STIP1: variants seen among roughly 807,000 people sequenced by gnomAD.
STIP1 encodes stress induced phosphoprotein 1, also known as stress-induced-phosphoprotein 1.
A neutral mutation model predicts 77.4 loss-of-function variants in STIP1; 16 were observed. The ratio of observed to expected loss-of-function variants is 0.21; its 90% CI spans 0.14 to 0.31. STIP1 has a LOEUF of 0.31. Among genes scored for constraint, STIP1 ranks in the 10% least tolerant of loss-of-function variants. The pLI is 1.00. For missense variants in STIP1, 524 were observed against 684.8 expected, an observed-to-expected ratio of 0.77 and a Z score of 2.62; for synonymous variants, 258 against 246.6, an observed-to-expected ratio of 1.05 and a Z score of -0.44.
At chr11:64,195,327 G>C (rs1340860388) in intron 4 of STIP1, among the ~76,000 whole-genome samples, 1 of 152,124 alleles carries the variant, frequency 6.6e-6, no homozygotes, top group African/African-American at 2.4e-5. Context: ...TGTTGGCTAG[G>C]CTGGTCTCAA....
At position 64,203,558 on chromosome 11, in the gene STIP1, A is replaced by G. The variant is rs1946245511; in HGVS notation, c.1495A>G (p.Met499Val). 1.2e-6 allele frequency: 2 copies of G among 1,614,098 alleles called. No homozygotes were observed. Among genetic ancestry groups the G allele is most frequent in the Admixed American group, 3.3e-5 (2 of 59,996 alleles). The change falls in exon 13 of 14, where the codon ATG (methionine) becomes GTG (valine). Residue 499 changes from methionine to valine, a missense_variant. Physicochemically the swap from Met to Val is conservative, Grantham distance 21. Transcript: ENST00000305218. ...GGCCGACCCTGAGGTGCAGCAGATC[A>G]TGAGTGACCCAGCCATGCGCCTTAT... ...AMADPEVQQI[M>V]SDPAMRLILE...
chr11:64,195,766 ACCAAGCCAGAG>A lies in STIP1; in HGVS notation c.630_640del (p.Lys210AsnfsTer9). ...ACCACCACCCCCTCCCAAAAAGGAG[ACCAAGCCAGAG>A]CCAATGGAAGAAGATCTTCCAGAGA... On this transcript the variant is annotated frameshift_variant, in exon 5 of 14. Transcript: ENST00000305218. LOFTEE classifies it high-confidence loss of function. The A allele has an allele frequency of 6.2e-7, 1 of 1,614,132 alleles. No homozygotes were observed. Among genetic ancestry groups the A allele is most frequent in the Non-Finnish European group, 8.5e-7 (1 of 1,180,022 alleles).
At chr11:64,197,651 C>CT in intron 7 of STIP1, 56 bp downstream of exon 7, 2 of 1,603,188 alleles carry the variant, frequency 1.2e-6, no homozygotes, top group South Asian at 1.1e-5. Flanking sequence ...CTGTCCAAGA[C>CT]TTAAGTTTCT....
chr11:64,194,422 A>G, intron 3 of STIP1, 57 bp from the exon 4 acceptor site: 1 of 1,612,396 alleles, frequency 6.2e-7, no homozygotes, highest in Non-Finnish European at 8.5e-7. Flanking sequence ...AGGGTATGGG[A>G]CACAGTAATT....
Position 64,197,478 on chromosome 11 carries a change from C to T in STIP1, c.800-15C>T. 6.2e-7 allele frequency: 1 copy of T among 1,614,118 alleles called. No homozygotes were observed. The highest frequency in any genetic ancestry group is 1.1e-5 in the South Asian group (1 of 91,064). On this transcript the variant is annotated splice_polypyrimidine_tract_variant and intron_variant, in intron 6 of 13. Coordinates refer to ENST00000305218, the MANE Select transcript of STIP1 (RefSeq NM_006819.3). The stretch of plus-strand genomic sequence containing the variant: ...CAAAGACTGACTGTTCCTTCTTAAC[C>T]ATCCTGCCTGGCAGCGGTATACTTT...
intron 1 of STIP1, among the ~76,000 whole-genome samples, chr11:64,191,043 C>G (rs1013969998): frequency 6.6e-6 from 1 of 151,890 alleles, no homozygotes; most frequent in Non-Finnish European, 1.5e-5. Context: ...CAAAATTAGA[C>G]GGATGTGGTA....
intron 8 of STIP1, among the ~76,000 whole-genome samples, chr11:64,199,330 C>T (rs534972989): frequency 6.6e-6 from 1 of 151,356 alleles, no homozygotes; most frequent in South Asian, 2.1e-4. Context: ...CGGTGAAACT[C>T]TGTCTCTACT....
At chr11:64,192,946 G>A (rs1006085364) in intron 1 of STIP1, 132 bp from the exon 2 acceptor site, 14 of 856,456 alleles carry the variant, frequency 1.6e-5, no homozygotes, top group African/African-American at 6.8e-5. Context: ...TAAATGAACC[G>A]GTTTTCTCTC....
chr11:64,192,732 G>GA (rs1462262534), intron 1 of STIP1, among the ~76,000 whole-genome samples: 1 of 152,200 alleles, frequency 6.6e-6, no homozygotes, highest in Admixed American at 6.5e-5. Flanking sequence ...GGATGCTTTG[G>GA]AAATCTGTGG....
chr11:64,200,369 A>G, intron 10 of STIP1, 76 bp downstream of exon 10: 2 of 1,531,446 alleles, frequency 1.3e-6, no homozygotes, highest in Non-Finnish European at 8.8e-7. Context: ...TCTCCTCATC[A>G]ACATTGAGTT....
rs1252045537 is a variant in STIP1, at chr11:64,203,235, C to T, written c.1386+7C>T. 5 of 1,613,400 alleles carry T rather than the reference C, an allele frequency of 3.1e-6. No individual in the cohort carries two copies. The highest frequency in any genetic ancestry group is 1.7e-5 in the Admixed American group (1 of 60,010). ...CCTGGACTCCAGCTGTAAGGTGGGG[C>T]TGCTTCTGGCCTCCAGGGGCCCCCC... is the stretch of plus-strand genomic sequence containing the variant. On this transcript the variant is annotated splice_region_variant and intron_variant, in intron 12 of 13. Transcript: ENST00000305218.
chr11:64,188,864 C>T (rs964671072), intron 1 of STIP1, among the ~76,000 whole-genome samples: 3 of 152,152 alleles, frequency 2.0e-5, no homozygotes, highest in Non-Finnish European at 2.9e-5. Flanking sequence ...AAAACAAACA[C>T]GATTTCTCTA....
chr11:64,188,037 C>CAA lies in STIP1; in HGVS notation c.9+1786_9+1787dup, dbSNP rs34070761. Among the ~76,000 whole-genome samples the CAA allele has an allele frequency of 1.8e-3, 129 of 72,130 alleles. 1 individual carries two copies. The highest frequency in any genetic ancestry group is 5.8e-3 in the African/African-American group (102 of 17,674). 47.3% of individuals were successfully genotyped at this position (72,130 alleles called of 152,430 possible). A position where few individuals can be genotyped will look rare whatever the true frequency, so the allele number is the denominator to read the frequency against. On this transcript the variant is annotated intron_variant, in intron 1 of 13. Transcript: ENST00000305218. Reference sequence around the variant, plus strand: ...TGGGCCACAGAGCGAGACTCCGTCTCAAAAAAAAAAAAAAAAAAAAGGATC... The same window carrying CAA: ...TGGGCCACAGAGCGAGACTCCGTCTCAAAAAAAAAAAAAAAAAAAAAAGGATC...
Position 64,194,534 on chromosome 11 carries a change from T to C in STIP1, c.417T>C (p.Ser139=). 2 of 1,614,074 alleles carry C rather than the reference T, an allele frequency of 1.2e-6. No homozygotes were observed. The highest frequency in any genetic ancestry group is 2.7e-5 in the African/African-American group (2 of 74,976). ...CTAATCTGTATCAGAAGTTGGAGAG[T>C]GATCCCAGGACAAGGACACTACTCA... The part of the protein sequence containing the change: ...NMPNLYQKLE[S]DPRTRTLLSD... Residue 139 remains serine, a synonymous_variant, in exon 4 of 14, where the codon AGT becomes AGC. Coordinates refer to ENST00000305218, the MANE Select transcript of STIP1 (RefSeq NM_006819.3).
chr11:64,185,663 C>T (rs921503627), upstream of STIP1: 8 of 984,306 alleles, frequency 8.1e-6, no homozygotes, highest in East Asian at 1.1e-4. Flanking sequence ...CCGCAGCCGC[C>T]GGCGACACAG....
chr11:64,185,737 G>A (rs1946004520), upstream of STIP1: 11 of 1,494,762 alleles, frequency 7.4e-6, no homozygotes, highest in Non-Finnish European at 8.9e-6. Context: ...CCGGCCTTTT[G>A]AAGGGCAGCG....
chr11:64,185,859 T>G, upstream of STIP1: 1 of 1,536,016 alleles, frequency 6.5e-7, no homozygotes, highest in Non-Finnish European at 8.7e-7. Context: ...GAGGTGGAAA[T>G]TTCCAGAACG....
Position 64,194,176 on chromosome 11 carries a change from T to G in STIP1, c.220-13T>G, listed in dbSNP as rs937697730. 1.3e-5 allele frequency: 21 copies of G among 1,608,738 alleles called. No homozygotes were observed. The highest frequency in any genetic ancestry group is 1.7e-5 in the Admixed American group (1 of 58,614). ...GGTGTTCTCTATTTTGTGTCTGTCTTTGGTGGTTTAAGGGCTATTCACGAA... is the reference window on the plus strand; with the variant it reads ...GGTGTTCTCTATTTTGTGTCTGTCTGTGGTGGTTTAAGGGCTATTCACGAA... On this transcript the variant is annotated splice_polypyrimidine_tract_variant and intron_variant, in intron 2 of 13. Transcript: ENST00000305218.
chr11:64,199,352 A>T (rs1033704804), intron 8 of STIP1, among the ~76,000 whole-genome samples: 8 of 150,266 alleles, frequency 5.3e-5, no homozygotes, highest in Non-Finnish European at 1.0e-4. Flanking sequence ...AATAAATAAA[A>T]AAAATTAGCC....
Sources: allele counts gnomAD v4.1 joint callset (sites outside exome capture counted in the v4.1 genomes callset), GRCh38; gene constraint gnomAD v4.1.1; transcripts MANE v1.5; gene names NCBI Gene and HGNC (gene_info 2026-07-23, HGNC 2026-07-21).